Variants in USP3 observed in about 807,000 individuals in gnomAD.
The protein encoded by USP3 is ubiquitin carboxyl-terminal hydrolase 3.
In USP3, 20 loss-of-function variants were observed where a neutral mutation model predicts 72.3. The ratio of observed to expected loss-of-function variants is 0.28; its 90% CI spans 0.19 to 0.40. The LOEUF (loss-of-function observed/expected upper bound fraction) is 0.40. Among genes scored for constraint, USP3 ranks in the 10% least tolerant of loss-of-function variants. The pLI is 1.00. For missense variants in USP3, 479 were observed against 633.9 expected (o/e 0.76, Z 2.62); for synonymous variants, 222 against 225.3 (o/e 0.99, Z 0.13).
Position 63,581,550 on chromosome 15 carries a change from A to AT in USP3, c.1097-6733dup, listed in dbSNP as rs56376454. ...GGTGTGCAGCCACCACACCCGGCTA[A>AT]TTTTTTTTTTTTTTTTTTTTTTGGA... On this transcript the variant is annotated intron_variant, in intron 11 of 14. Transcript: ENST00000380324. Among the ~76,000 whole-genome samples the AT allele has an allele frequency of 7.9e-3, 848 of 107,478 alleles. 10 individuals carry two copies. Among genetic ancestry groups the AT allele is most frequent in the Middle Eastern group, 0.016 (3 of 192 alleles). The allele number at this position is 107,478 out of a possible 152,430, so 70.5% of individuals were successfully genotyped here. A position where few individuals can be genotyped will look rare whatever the true frequency, so the allele number is the denominator to read the frequency against.
chr15:63,574,259 A>T lies in USP3; in HGVS notation c.1016-64A>T, dbSNP rs2066825446. The T allele has an allele frequency of 1.4e-6, 2 of 1,459,808 alleles. No individual in the cohort carries two copies. The highest frequency in any genetic ancestry group is 1.4e-5 in the African/African-American group (1 of 69,264). 90.4% of individuals were successfully genotyped at this position (1,459,808 alleles called of 1,614,324 possible). A position where few individuals can be genotyped will look rare whatever the true frequency, so the allele number is the denominator to read the frequency against. Reference sequence around the variant, plus strand: ...AAATCTAGAAATACATCAGTTTGTGAAATTATTTTGAATGGACATATATGC... The same window carrying T: ...AAATCTAGAAATACATCAGTTTGTGTAATTATTTTGAATGGACATATATGC... On this transcript the variant is annotated intron_variant, in intron 10 of 14. Transcript: ENST00000380324. The surrounding 1 kb of genome is among the most constrained non-coding windows in gnomAD (Gnocchi z 4.6).
In USP3 at chr15:63,553,720, G is replaced by A. The variant is rs773563589; in HGVS notation, c.290G>A (p.Arg97His). 12 of 1,611,992 alleles carry A rather than the reference G, an allele frequency of 7.4e-6. No individual in the cohort carries two copies. Among genetic ancestry groups the A allele is most frequent in the African/African-American group, 2.7e-5 (2 of 74,718 alleles). ...GATTAATATTTTCCTTGCAGTTATC[G>A]CTGTGATGATTTTGTGGTTAATGAC... is the stretch of plus-strand genomic sequence containing the variant. Reference protein sequence around the residue: ...DCSSYSTYCYRCDDFVVNDTK... With the variant: ...DCSSYSTYCYHCDDFVVNDTK... The change falls in exon 4 of 15, where the codon CGC (arginine) becomes CAC (histidine). Residue 97 changes from arginine (R) to histidine (H), a missense_variant. By Grantham distance (29) the Arg-to-His change is conservative (BLOSUM62 0). Transcript: ENST00000380324. This position sits in a 1 kb window ranked among gnomAD's most constrained non-coding sequence, Gnocchi z 4.2.
intron 14 of USP3, 144 bp from the exon 15 acceptor site, chr15:63,590,517 G>A (rs2067175955): frequency 1.2e-6 from 1 of 813,372 alleles, no homozygotes; most frequent in South Asian, 3.6e-5. Flanking sequence ...TTTGGAGGAA[G>A]GTAAAAACAT....
At chr15:63,532,017 C>T (rs1407410552) in intron 1 of USP3, among the ~76,000 whole-genome samples, 3 of 152,142 alleles carry the variant, frequency 2.0e-5, no homozygotes, top group South Asian at 4.1e-4. Flanking sequence ...AATGAGTAGA[C>T]AGCAAGCAAA....
chr15:63,524,688 G>A (rs1223037274), intron 1 of USP3, among the ~76,000 whole-genome samples: 1 of 152,126 alleles, frequency 6.6e-6, no homozygotes, highest in Non-Finnish European at 1.5e-5. Flanking sequence ...AATCTCCCCA[G>A]TCTCCCTGCA....
rs186672093 is a variant in USP3, at chr15:63,562,424, T to C, written c.648-471T>C. On this transcript the variant is annotated intron_variant, in intron 7 of 14. Coordinates refer to ENST00000380324, the MANE Select transcript of USP3 (RefSeq NM_006537.4). ...AAATAAAAATAGTCATGAGAAAATC[T>C]GACTTTTGGAGTTGAGAGTCACTGG... Among the ~76,000 whole-genome samples the C allele has an allele frequency of 2.4e-3, 368 of 152,272 alleles. 4 individuals are homozygous for C. Among genetic ancestry groups the C allele is most frequent in the African/African-American group, 7.9e-3 (330 of 41,538 alleles).
intron 1 of USP3, among the ~76,000 whole-genome samples, chr15:63,512,811 A>C (rs1463931959): frequency 6.6e-6 from 1 of 152,234 alleles, no homozygotes; most frequent in African/African-American, 2.4e-5. Context: ...TATACAATGC[A>C]GATGAATTTA....
Sources: gnomAD v4.1 joint callset for allele counts (sites outside exome capture counted in the v4.1 genomes callset) on GRCh38, gnomAD v4.1.1 for gene constraint, Gnocchi (gnomAD v3.1) non-coding constraint, MANE v1.5 for transcripts, NCBI Gene and HGNC (gene_info 2026-07-23, HGNC 2026-07-21) for gene names.